Variants in RBFOX1 observed in about 807,000 individuals in gnomAD.
RBFOX1 encodes RNA binding protein fox-1 homolog 1.
A neutral mutation model predicts 57.7 loss-of-function variants in RBFOX1; 8 were observed. The ratio of observed to expected loss-of-function variants is 0.14; its 90% CI spans 0.08 to 0.25. The LOEUF (loss-of-function observed/expected upper bound fraction) is 0.25, where lower values mean the gene tolerates loss of function less well. RBFOX1 is among the 10% of genes least tolerant of loss of function. RBFOX1 has a pLI of 1.00. For missense variants in RBFOX1, 611 were observed against 548.5 expected, an observed-to-expected ratio of 1.11 and a Z score of -1.14; for synonymous variants, 326 against 222.4, an observed-to-expected ratio of 1.47 and a Z score of -4.15.
intron 4 of RBFOX1, among the ~76,000 whole-genome samples, chr16:7,191,110 A>G (rs956953644): frequency 6.6e-6 from 1 of 152,116 alleles, no homozygotes. Flanking sequence ...TTCCTAACCC[A>G]GAGGAAAATC....
chr16:7,585,998 A>G (rs1207259333), intron 6 of RBFOX1, among the ~76,000 whole-genome samples: 1 of 152,178 alleles, frequency 6.6e-6, no homozygotes, highest in Admixed American at 6.5e-5. Flanking sequence ...ATGGAATACA[A>G]AACCTCTGGG....
chr16:5,933,892 C>G lies in RBFOX1; in HGVS notation c.351+66557C>G, dbSNP rs1325399540. On this transcript the variant is annotated intron_variant, in intron 4 of 19. Transcript: ENST00000641259. ...TTGTTGTACAGATTATTTCATCACT[C>G]AGGTAGTAAGCCTAGTACCCAATAA... Among the ~76,000 whole-genome samples, 3 of 151,938 alleles carry G rather than the reference C, an allele frequency of 2.0e-5. No homozygotes were observed. The East Asian group carries it at 5.8e-4, about 29-fold the overall frequency.
intron 3 of RBFOX1, among the ~76,000 whole-genome samples, chr16:5,856,225 ATATGTATATATATG>A (rs2057044608): frequency 1.9e-5 from 1 of 53,218 alleles, no homozygotes; most frequent in Non-Finnish European, 3.7e-5. Context: ...ATGTATATAT[ATATGTATATATATG>A]TGTATATATA....
chr16:6,135,020 G>A (rs770928734), intron 1 of RBFOX1, among the ~76,000 whole-genome samples: 30 of 151,340 alleles, frequency 2.0e-4, no homozygotes, highest in South Asian at 4.2e-4. Context: ...TACAGGCCCC[G>A]GTGTATGATG....
intron 4 of RBFOX1, among the ~76,000 whole-genome samples, chr16:7,107,565 T>A (rs142935125): frequency 6.6e-6 from 1 of 152,126 alleles, no homozygotes; most frequent in South Asian, 2.1e-4. Context: ...TTGACTGTAA[T>A]CAAGGTAGTG....
At chr16:6,089,400 A>G (rs973200699) in intron 1 of RBFOX1, among the ~76,000 whole-genome samples, 2 of 152,198 alleles carry the variant, frequency 1.3e-5, no homozygotes, top group African/African-American at 2.4e-5. Flanking sequence ...AGATGCACTA[A>G]AGAAATATCC....
chr16:6,949,577 G>T (rs868783820), intron 3 of RBFOX1, among the ~76,000 whole-genome samples: 6 of 93,638 alleles, frequency 6.4e-5, no homozygotes, highest in Middle Eastern at 5.6e-3. Flanking sequence ...TCCTCACTTG[G>T]CCTTTTTTTT....
At chr16:6,859,154 T>C (rs1350200878) in intron 3 of RBFOX1, among the ~76,000 whole-genome samples, 2 of 63,186 alleles carry the variant, frequency 3.2e-5, no homozygotes, top group Middle Eastern at 6.6e-3. Flanking sequence ...TATATATATG[T>C]ATATATATAC....
At chr16:6,044,958 C>A (rs542158118) in intron 1 of RBFOX1, among the ~76,000 whole-genome samples, 1 of 152,190 alleles carries the variant, frequency 6.6e-6, no homozygotes. Flanking sequence ...GTCAGTGGCT[C>A]TCACTATTGA....
chr16:7,120,497 A>G (rs1234975622), intron 4 of RBFOX1, among the ~76,000 whole-genome samples: 2 of 151,888 alleles, frequency 1.3e-5, no homozygotes, highest in African/African-American at 4.8e-5. Flanking sequence ...ATAAGGAAAT[A>G]ATCAAATAAT....
At chr16:7,514,304 C>G (rs2075860397) in intron 4 of RBFOX1, among the ~76,000 whole-genome samples, 1 of 152,192 alleles carries the variant, frequency 6.6e-6, no homozygotes, top group Admixed American at 6.5e-5. Flanking sequence ...GCTAGGTCCT[C>G]TCTTCATCCC....
At chr16:7,370,022 A>G (rs2097538399) in intron 4 of RBFOX1, among the ~76,000 whole-genome samples, 1 of 152,178 alleles carries the variant, frequency 6.6e-6, no homozygotes, top group Non-Finnish European at 1.5e-5. Flanking sequence ...TAATTACTCT[A>G]AGTCAGCTTC....
At chr16:6,650,075 G>C (rs976010408) in intron 2 of RBFOX1, among the ~76,000 whole-genome samples, 2 of 152,172 alleles carry the variant, frequency 1.3e-5, no homozygotes, top group Admixed American at 6.5e-5. Flanking sequence ...TTTCCTTTGA[G>C]TGAATATGCA....
At chr16:7,555,862 C>T (rs1601716587) in intron 5 of RBFOX1, among the ~76,000 whole-genome samples, 2 of 152,154 alleles carry the variant, frequency 1.3e-5, no homozygotes, top group East Asian at 3.9e-4. Context: ...TCTCATGGTG[C>T]CTATGCTTCC....
chr16:7,688,221 A>ATGTGTGTGTG lies in RBFOX1; in HGVS notation c.995+11414_995+11423dup, dbSNP rs3029191. On this transcript the variant is annotated intron_variant, in intron 14 of 15. Coordinates refer to ENST00000550418, the MANE Select transcript of RBFOX1 (RefSeq NM_018723.4). Reference sequence around the variant, plus strand: ...TAGTAGGCATCCTTGGCAGGTTTAAATGTGTGTGTGTGTGTGTGTGTGTGT... The same window carrying ATGTGTGTGTG: ...TAGTAGGCATCCTTGGCAGGTTTAAATGTGTGTGTGTGTGTGTGTGTGTGTGTGTGTGTGT... Among the ~76,000 whole-genome samples, 532 of 120,964 alleles carry ATGTGTGTGTG rather than the reference A, an allele frequency of 4.4e-3. 1 individual carries two copies. The highest frequency in any genetic ancestry group is 0.011 in the African/African-American group (345 of 31,990). The allele number at this position is 120,964 out of a possible 152,430, so 79.4% of individuals were successfully genotyped here.
intron 3 of RBFOX1, among the ~76,000 whole-genome samples, chr16:6,997,510 T>C (rs192413848): frequency 8.9e-4 from 136 of 152,316 alleles, no homozygotes; most frequent in Middle Eastern, 6.8e-3. Context: ...TTTTAATTGT[T>C]GAAGTCTGAA....
chr16:7,597,817 C>G (rs1602936825), intron 9 of RBFOX1, among the ~76,000 whole-genome samples: 1 of 152,280 alleles, frequency 6.6e-6, no homozygotes, highest in East Asian at 1.9e-4. Flanking sequence ...GACGTGCAGT[C>G]ACGTAATTTA....
chr16:7,396,437 C>T (rs971268047), intron 4 of RBFOX1, among the ~76,000 whole-genome samples: 7 of 152,152 alleles, frequency 4.6e-5, no homozygotes, highest in African/African-American at 1.4e-4. Flanking sequence ...TTTTCACAGA[C>T]TCCCACCCTG....
chr16:6,394,191 G>A (rs1233123351), intron 2 of RBFOX1, among the ~76,000 whole-genome samples: 2 of 152,198 alleles, frequency 1.3e-5, no homozygotes, highest in African/African-American at 4.8e-5. Flanking sequence ...GGGCTCAGAA[G>A]TTGACATATT....
Sources: allele counts gnomAD v4.1 joint callset (sites outside exome capture counted in the v4.1 genomes callset), GRCh38; gene constraint gnomAD v4.1.1; transcripts MANE v1.5; gene names NCBI Gene and HGNC (gene_info 2026-07-23, HGNC 2026-07-21).